Variants in ZNHIT3 observed in about 807,000 individuals in gnomAD.
ZNHIT3 encodes the protein zinc finger HIT domain-containing protein 3.
ZNHIT3 carries 27 observed loss-of-function variants against 19.9 expected under a neutral mutation model. The observed-to-expected ratio is 1.36, with a 90% confidence interval of 1.00 to 1.87. The LOEUF (loss-of-function observed/expected upper bound fraction) is 1.87, where lower values mean the gene tolerates loss of function less well. ZNHIT3 is among the 40% of genes most tolerant of loss of function. The probability of loss-of-function intolerance (pLI) is 0.00; values close to 1 mark genes in which losing one functional copy is unlikely to be tolerated. For missense variants in ZNHIT3, 215 were observed against 185.6 expected, an observed-to-expected ratio of 1.16 and a Z score of -0.92; for synonymous variants, 81 against 65.7, an observed-to-expected ratio of 1.23 and a Z score of -1.13.
chr17:36,494,074 A>T, intron 4 of ZNHIT3, 68 bp downstream of exon 4: 1 of 1,313,504 alleles, frequency 7.6e-7, no homozygotes, highest in Non-Finnish European at 1.1e-6. Context: ...GTGATTTTTT[A>T]AAAAGTTTTT....
chr17:36,498,932 A>T, downstream of ZNHIT3: 1 of 657,844 alleles, frequency 1.5e-6, no homozygotes, highest in South Asian at 1.7e-5. Flanking sequence ...CACTGCATAC[A>T]TGAGGAATAT....
Position 36,495,821 on chromosome 17 carries a change from A to C in ZNHIT3, c.*417A>C. Reference sequence around the variant, plus strand: ...AAATAAATCAACTAATTAAATACTAAAGTTTTGTTCCTTTTTAAAGGAAAT... The same window carrying C: ...AAATAAATCAACTAATTAAATACTACAGTTTTGTTCCTTTTTAAAGGAAAT... On this transcript the variant is annotated 3_prime_UTR_variant, in exon 5 of 5. Coordinates refer to ENST00000617429, the MANE Select transcript of ZNHIT3 (RefSeq NM_004773.4). 1 of 1,241,934 alleles carries C rather than the reference A, an allele frequency of 8.1e-7. No individual in the cohort carries two copies. Among genetic ancestry groups the C allele is most frequent in the South Asian group, 4.0e-5 (1 of 24,796 alleles). 76.9% of individuals were successfully genotyped at this position (1,241,934 alleles called of 1,614,324 possible).
downstream of ZNHIT3, chr17:36,496,327 G>A: frequency 9.3e-6 from 15 of 1,614,006 alleles, no homozygotes; most frequent in Non-Finnish European, 1.2e-5. Flanking sequence ...ATTAAAGCCT[G>A]TAATGCTGTA....
chr17:36,491,855 C>T (rs1423566310), intron 2 of ZNHIT3: 5 of 152,170 alleles, frequency 3.3e-5, no homozygotes, highest in African/African-American at 1.2e-4. Context: ...AAGTTAGACC[C>T]GGATTCCAAA....
intron 2 of ZNHIT3, chr17:36,490,669 T>C (rs2070705066): frequency 6.6e-6 from 1 of 152,218 alleles, no homozygotes; most frequent in African/African-American, 2.4e-5. Flanking sequence ...TAGATTACTT[T>C]GGGTAGTATG....
intron 3 of ZNHIT3, chr17:36,493,138 A>G: frequency 1.7e-6 from 1 of 572,892 alleles, no homozygotes; most frequent in Admixed American, 3.1e-5. Flanking sequence ...GAGAAAGGCC[A>G]TGGCTGTGGT....
rs1315162579 is a variant in ZNHIT3 at position 36,495,407 on chromosome 17, T to C, written c.*3T>C. On this transcript the variant is annotated 3_prime_UTR_variant, in exon 5 of 5. Transcript: ENST00000617429. ...CATCCCAGAATGAGGAGTCTTAAGA[T>C]GGATTATTGTGCTGCTTGCTCAAGC... 1.9e-6 allele frequency: 3 copies of C among 1,594,216 alleles called. No individual in the cohort carries two copies. The highest frequency in any genetic ancestry group is 1.8e-5 in the Admixed American group (1 of 55,954).
At chr17:36,486,814 G>T (rs193277074) in intron 1 of ZNHIT3, 29 bp downstream of exon 1, 8 of 1,608,468 alleles carry the variant, frequency 5.0e-6, no homozygotes, top group East Asian at 2.3e-5. Flanking sequence ...GGGTCCAGGG[G>T]CGCGGGTGTC....
intron 3 of ZNHIT3, 43 bp downstream of exon 3, chr17:36,492,942 T>G: frequency 6.3e-7 from 1 of 1,576,642 alleles, no homozygotes; most frequent in Non-Finnish European, 8.7e-7. Flanking sequence ...GGACTTCACA[T>G]AGAATAAGTC....
chr17:36,488,605 TAAAG>T (rs1215213340), intron 2 of ZNHIT3, among the ~76,000 whole-genome samples: 2 of 152,186 alleles, frequency 1.3e-5, no homozygotes, highest in African/African-American at 2.4e-5. Context: ...CTCACTGACT[TAAAG>T]GACTGTATGT....
intron 2 of ZNHIT3, chr17:36,489,409 T>A (rs2070673587): frequency 6.6e-6 from 1 of 152,208 alleles, no homozygotes; most frequent in East Asian, 1.9e-4. Flanking sequence ...ACATTCCCAA[T>A]AACAGTGCAG....
At chr17:36,498,276 G>A (rs1202873097), downstream of ZNHIT3, 5 of 1,611,474 alleles carry the variant, frequency 3.1e-6, no homozygotes, top group South Asian at 1.1e-5. Flanking sequence ...CTGAGGCAGC[G>A]CTCGGATGGA....
chr17:36,498,205 G>C (rs374149030), downstream of ZNHIT3: 12 of 1,548,866 alleles, frequency 7.7e-6, no homozygotes, highest in African/African-American at 1.5e-4. Context: ...CTGTGAACTT[G>C]TAGGCTTTGC....
chr17:36,496,070 C>G, downstream of ZNHIT3: 1 of 907,184 alleles, frequency 1.1e-6, no homozygotes, highest in East Asian at 2.6e-5. Flanking sequence ...TTGATGTAGC[C>G]TGGAACCCCA....
chr17:36,498,082 C>T (rs982533007), downstream of ZNHIT3: 5 of 596,748 alleles, frequency 8.4e-6, no homozygotes, highest in East Asian at 1.1e-4. Context: ...TGGAAGATTC[C>T]CAGTTATAAC....
rs1490045407 is a variant in ZNHIT3, at chr17:36,492,807, T to C, written c.119-6T>C. ...AATGTGGGCCTGGGATTTGTGTCTT[T>C]TTCAGAACAGTGCAACCCTGAAACT... On this transcript the variant is annotated splice_region_variant and splice_polypyrimidine_tract_variant and intron_variant, in intron 2 of 4. Transcript: ENST00000617429. The C allele has an allele frequency of 6.2e-7, 1 of 1,613,488 alleles. No individual in the cohort carries two copies. The highest frequency in any genetic ancestry group is 8.5e-7 in the Non-Finnish European group (1 of 1,179,842).
chr17:36,493,009 G>C, intron 3 of ZNHIT3, 110 bp downstream of exon 3: 1 of 1,010,662 alleles, frequency 9.9e-7, no homozygotes, highest in African/African-American at 1.6e-5. Context: ...GCTTCATTGG[G>C]AAGGAACAGC....
intron 4 of ZNHIT3, 54 bp from the exon 5 acceptor site, chr17:36,495,169 C>G: frequency 1.3e-6 from 2 of 1,522,462 alleles, no homozygotes; most frequent in East Asian, 4.6e-5. Context: ...TTTCAGCCAT[C>G]TCCATGTGTT....
In ZNHIT3 at chr17:36,495,287, C is replaced by T. The variant is rs147178328; in HGVS notation, c.351C>T (p.Leu117=). ...NPHLRQLMVN[L]DQGEDKAKLM... ...ACCTCAGGCAGTTGATGGTCAACCT[C>T]GATCAGGGAGAAGACAAAGCAAAGC... The change falls in exon 5 of 5, where the codon CTC becomes CTT. Residue 117 remains leucine, a synonymous_variant. Transcript: ENST00000617429. 10 of 1,613,578 alleles carry T rather than the reference C, an allele frequency of 6.2e-6. No homozygotes were observed. The highest frequency in any genetic ancestry group is 7.6e-6 in the Non-Finnish European group (9 of 1,179,912).
Sources: allele counts gnomAD v4.1 joint callset (sites outside exome capture counted in the v4.1 genomes callset), GRCh38; gene constraint gnomAD v4.1.1; transcripts MANE v1.5; gene names NCBI Gene and HGNC (gene_info 2026-07-23, HGNC 2026-07-21).